TMEM52B: variants seen among roughly 807,000 people sequenced by gnomAD.
The protein encoded by TMEM52B is transmembrane protein 52B, also known as chromosome 12 open reading frame 59.
TMEM52B carries 11 observed loss-of-function variants against 16.1 expected under a neutral mutation model. That is an observed-to-expected ratio of 0.68 (90% CI 0.43 to 1.13). The LOEUF is 1.13. TMEM52B is among the 50% of genes most tolerant of loss of function. The probability of loss-of-function intolerance (pLI) is 0.00; values close to 1 mark genes in which losing one functional copy is unlikely to be tolerated. For missense variants in TMEM52B, 243 were observed against 230.4 expected (o/e 1.05, Z -0.35); for synonymous variants, 101 against 93.8 (o/e 1.08, Z -0.45).
chr12:10,180,280 T>G (rs746857016), intron 1 of TMEM52B, among the ~76,000 whole-genome samples: 15,873 of 150,746 alleles, frequency 0.11, 1,101 homozygotes, highest in African/African-American at 0.19. Context: ...GGTTTGTTTT[T>G]TTTTTTTTTT....
At chr12:10,179,850 G>A (rs1458911406) in intron 1 of TMEM52B, among the ~76,000 whole-genome samples, 1 of 152,204 alleles carries the variant, frequency 6.6e-6, no homozygotes, top group Non-Finnish European at 1.5e-5. Flanking sequence ...AGAAATTAGA[G>A]TGAGCATGGA....
At position 10,179,571 on chromosome 12, in the gene TMEM52B, C is replaced by G. The variant is rs1352421635; in HGVS notation, c.-4C>G. On this transcript the variant is annotated 5_prime_UTR_variant, in exon 1 of 5. Coordinates refer to ENST00000543484, the MANE Select transcript of TMEM52B (RefSeq NM_001384896.1). The stretch of plus-strand genomic sequence containing the variant: ...AGATTCTGAAGAAGCAGGAATTCAG[C>G]CCGATGGGAGTCCGAGTTCATGTCG... 1 of 1,614,170 alleles carries G rather than the reference C, an allele frequency of 6.2e-7. No homozygotes were observed. The highest frequency in any genetic ancestry group is 1.7e-5 in the Admixed American group (1 of 60,020).
At position 10,190,162 on chromosome 12, in the gene TMEM52B, T is replaced by C. The variant is rs1283335667; in HGVS notation, c.*22T>C. On this transcript the variant is annotated 3_prime_UTR_variant, in exon 5 of 5. Coordinates refer to ENST00000543484, the MANE Select transcript of TMEM52B (RefSeq NM_001384896.1). ...CTGATGAGAGCTGTCATTTTATAAA[T>C]AGGAGTGGAGTGATGTCCAGAGTCT... The C allele has an allele frequency of 2.5e-6, 4 of 1,613,934 alleles. No individual in the cohort carries two copies. The highest frequency in any genetic ancestry group is 1.7e-5 in the Admixed American group (1 of 59,954).
At position 10,190,501 on chromosome 12, in the gene TMEM52B, C is replaced by G. The variant is rs925636014; in HGVS notation, c.*361C>G. 22 of 238,500 alleles carry G rather than the reference C, an allele frequency of 9.2e-5. No individual in the cohort carries two copies. The highest frequency in any genetic ancestry group is 4.4e-4 in the African/African-American group (20 of 45,150). The allele number at this position is 238,500 out of a possible 1,614,324, so 14.8% of individuals were successfully genotyped here. A position where few individuals can be genotyped will look rare whatever the true frequency, so the allele number is the denominator to read the frequency against. On this transcript the variant is annotated 3_prime_UTR_variant, in exon 5 of 5. Coordinates refer to ENST00000543484, the MANE Select transcript of TMEM52B (RefSeq NM_001384896.1). Reference sequence around the variant, plus strand: ...GTGTCTCTCTCTGTCAGCGAATCCACTGCGGTTAACTGGAAAAGAAAGACA... The same window carrying G: ...GTGTCTCTCTCTGTCAGCGAATCCAGTGCGGTTAACTGGAAAAGAAAGACA...
Position 10,190,151 on chromosome 12 carries a change from C to A in TMEM52B, c.*11C>A. On this transcript the variant is annotated 3_prime_UTR_variant, in exon 5 of 5. Transcript: ENST00000543484. ...GACTCTTGGAACTGATGAGAGCTGT[C>A]ATTTTATAAATAGGAGTGGAGTGAT... is the stretch of plus-strand genomic sequence containing the variant. 2 of 1,613,996 alleles carry A rather than the reference C, an allele frequency of 1.2e-6. No homozygotes were observed. Among genetic ancestry groups the A allele is most frequent in the South Asian group, 2.2e-5 (2 of 91,026 alleles).
upstream of TMEM52B, among the ~76,000 whole-genome samples, chr12:10,174,824 A>G (rs911399568): frequency 6.6e-6 from 1 of 152,216 alleles, no homozygotes; most frequent in Admixed American, 6.5e-5. Flanking sequence ...TACTGGTGGA[A>G]TCATATAATA....
At chr12:10,184,871 G>A (rs1311296413) in intron 2 of TMEM52B, among the ~76,000 whole-genome samples, 1 of 150,810 alleles carries the variant, frequency 6.6e-6, no homozygotes. Context: ...GCGTCACCAC[G>A]GCCGGCTAAT....
intron 1 of TMEM52B, chr12:10,171,883 A>C (rs1948721919): frequency 1.5e-6 from 1 of 673,122 alleles, no homozygotes; most frequent in Non-Finnish European, 2.6e-6. Context: ...AGTAAATGGT[A>C]TTAATTCTAT....
chr12:10,175,416 G>T (rs751351032), upstream of TMEM52B: 18 of 152,124 alleles, frequency 1.2e-4, no homozygotes, highest in Non-Finnish European at 2.2e-4. Context: ...CACCTTGACT[G>T]CAGCCTTGTG....
chr12:10,190,118 G>T lies in TMEM52B; in HGVS notation c.530G>T (p.Arg177Leu). The T allele has an allele frequency of 1.2e-6, 2 of 1,614,140 alleles. No individual in the cohort carries two copies. Among genetic ancestry groups the T allele is most frequent in the South Asian group, 1.1e-5 (1 of 91,068 alleles). Residue 177 changes from arginine (R) to leucine (L), a missense_variant, in exon 5 of 5, where the codon CGA becomes CTA. Arg to Leu is a moderately radical substitution (Grantham distance 102, BLOSUM62 -2). Transcript: ENST00000543484. ...CCTCCAACAGAGAAGGAGTCGACTCGAATAGTTGACTCTTGGAACTGATGA... is the reference window on the plus strand; with the variant it reads ...CCTCCAACAGAGAAGGAGTCGACTCTAATAGTTGACTCTTGGAACTGATGA... ...QLPPTEKEST[R>L]IVDSWN
At chr12:10,186,919 TTTTGTGAAATCTAC>T (rs1347215514) in intron 4 of TMEM52B, among the ~76,000 whole-genome samples, 1 of 152,200 alleles carries the variant, frequency 6.6e-6, no homozygotes, top group Non-Finnish European at 1.5e-5. Flanking sequence ...ACGTCTTGGA[TTTTGTGAAATCTAC>T]TTTTTCTATT....
chr12:10,189,845 G>C, intron 4 of TMEM52B, 51 bp from the exon 5 acceptor site: 1 of 1,601,708 alleles, frequency 6.2e-7, no homozygotes, highest in Non-Finnish European at 8.5e-7. Flanking sequence ...TGCTGTCTGA[G>C]GGTGTCCTGT....
upstream of TMEM52B, among the ~76,000 whole-genome samples, chr12:10,178,391 T>C (rs1022489532): frequency 2.0e-5 from 3 of 151,546 alleles, no homozygotes; most frequent in Admixed American, 6.6e-5. Flanking sequence ...GGCGTGGTGG[T>C]GGGCGCCAGT....
At chr12:10,182,262 C>T in intron 1 of TMEM52B, 2 of 985,198 alleles carry the variant, frequency 2.0e-6, no homozygotes, top group Non-Finnish European at 2.4e-6. Context: ...GAATTTTCTA[C>T]TACAAACAAA....
In TMEM52B at chr12:10,189,993, C is replaced by T; in HGVS notation, c.405C>T (p.Leu135=). ...AGCTGCCCTCCTCTTTGGACACCCT[C>T]CCAGGGTATGAAGAAGCTCTTCACA... ...LGQLPSSLDT[L]PGYEEALHMS... The change falls in exon 5 of 5, where the codon CTC becomes CTT. Residue 135 remains leucine (L), a synonymous_variant. Transcript: ENST00000543484. 1 of 1,614,168 alleles carries T rather than the reference C, an allele frequency of 6.2e-7. No homozygotes were observed. The highest frequency in any genetic ancestry group is 1.3e-5 in the African/African-American group (1 of 75,040).
rs1432705309 is a variant in TMEM52B, at chr12:10,186,598, A to G, written c.307+9A>G. On this transcript the variant is annotated intron_variant, in intron 4 of 4. Transcript: ENST00000543484. ...CCAGAGCACTATCACATGTGAGTACACTGAACTTTTAACCTGGGAGGAGGA... is the reference window on the plus strand; with the variant it reads ...CCAGAGCACTATCACATGTGAGTACGCTGAACTTTTAACCTGGGAGGAGGA... The G allele has an allele frequency of 1.9e-6, 3 of 1,550,100 alleles. No individual in the cohort carries two copies. In the Admixed American group the frequency reaches 5.3e-5, roughly 28 times the overall value.
intron 4 of TMEM52B, among the ~76,000 whole-genome samples, chr12:10,188,811 G>T (rs970193959): frequency 3.9e-5 from 6 of 151,902 alleles, no homozygotes; most frequent in South Asian, 2.1e-4. Context: ...AAGGTCAGGA[G>T]ATCGAGACCA....
At chr12:10,177,994 C>A (rs1948780576), upstream of TMEM52B, among the ~76,000 whole-genome samples, 1 of 150,526 alleles carries the variant, frequency 6.6e-6, no homozygotes, top group African/African-American at 2.4e-5. Context: ...CTTCCGGGTT[C>A]AAGTGGCCCT....
intron 2 of TMEM52B, among the ~76,000 whole-genome samples, chr12:10,182,829 G>A (rs1948839357): frequency 6.6e-6 from 1 of 152,146 alleles, no homozygotes. Context: ...CATCAAAGCA[G>A]CACGATTAAT....
Sources: allele counts gnomAD v4.1 joint callset (sites outside exome capture counted in the v4.1 genomes callset), GRCh38; gene constraint gnomAD v4.1.1; transcripts MANE v1.5; gene names NCBI Gene and HGNC (gene_info 2026-07-23, HGNC 2026-07-21).